Variants in FAAH2 observed in about 807,000 individuals in gnomAD.
FAAH2 encodes the protein fatty acid amide hydrolase 2.
In FAAH2, 60 loss-of-function variants were observed where a neutral mutation model predicts 36.9. That is an observed-to-expected ratio of 1.63 (90% CI 1.32 to 2.02). The LOEUF is 2.02. FAAH2 is among the 30% of genes most tolerant of loss of function. FAAH2 has a pLI of 0.00. For synonymous variants in FAAH2, 214 were observed against 143.8 expected (o/e 1.49, Z -3.49); for missense variants, 689 against 397.5 (o/e 1.73, Z -6.23).
chrX:57,428,645 A>G (rs757782324), intron 7 of FAAH2, among the ~76,000 whole-genome samples: 169 of 112,128 alleles, frequency 1.5e-3, no homozygotes, highest in African/African-American at 5.3e-3. Context: ...TGTGAAAACA[A>G]CATCCTATTC....
intron 2 of FAAH2, among the ~76,000 whole-genome samples, chrX:57,304,941 G>T (rs2052478967): frequency 9.0e-6 from 1 of 111,573 alleles, no homozygotes; most frequent in Non-Finnish European, 1.9e-5. Context: ...AATGATAATT[G>T]TCCTGTTCTT....
chrX:57,389,414 A>C (rs2055110478), intron 7 of FAAH2, among the ~76,000 whole-genome samples: 1 of 106,729 alleles, frequency 9.4e-6, no homozygotes, highest in Non-Finnish European at 1.9e-5. Context: ...CTACGATTCT[A>C]CTCTCTACTT....
At chrX:57,446,836 T>C in intron 8 of FAAH2, 92 bp from the exon 9 acceptor site, 1 of 522,286 alleles carries the variant, frequency 1.9e-6, no homozygotes, top group South Asian at 3.7e-5. Context: ...CTGTTATGAA[T>C]GATTATTCAT....
At chrX:57,355,547 C>T in intron 5 of FAAH2, among the ~76,000 whole-genome samples, 1 of 111,015 alleles carries the variant, frequency 9.0e-6, no homozygotes, top group Non-Finnish European at 1.9e-5. Flanking sequence ...TACTCCTTTT[C>T]ATGCCATTGT....
At chrX:57,193,246 G>A in the FAAH2 span, among the ~76,000 whole-genome samples, 1 of 111,551 alleles carries the variant, frequency 9.0e-6, no homozygotes, top group Non-Finnish European at 1.9e-5. Context: ...CGAAACTGTA[G>A]GGATGAAATA....
intron 7 of FAAH2, chrX:57,395,489 C>A: frequency 2.4e-6 from 1 of 420,309 alleles, no homozygotes; most frequent in Non-Finnish European, 4.2e-6. Context: ...TAACCTTATC[C>A]TCATTCAGTA....
intron 5 of FAAH2, among the ~76,000 whole-genome samples, chrX:57,346,974 T>C (rs2053839876): frequency 9.0e-6 from 1 of 111,148 alleles, no homozygotes; most frequent in Non-Finnish European, 1.9e-5. Context: ...CATGACCTTT[T>C]CCCTTACTTG....
At chrX:57,365,442 G>T (rs905475135) in intron 5 of FAAH2, among the ~76,000 whole-genome samples, 3 of 111,516 alleles carry the variant, frequency 2.7e-5, no homozygotes, top group African/African-American at 9.8e-5. Flanking sequence ...GCCTGATGGG[G>T]TTCCATTTGT....
the FAAH2 span, among the ~76,000 whole-genome samples, chrX:57,203,779 G>A: frequency 1.8e-5 from 2 of 112,179 alleles, no homozygotes; most frequent in African/African-American, 6.5e-5. Flanking sequence ...TGCCTGGGAT[G>A]TTTAAATATT....
the FAAH2 span, among the ~76,000 whole-genome samples, chrX:57,250,496 A>G: frequency 9.0e-6 from 1 of 111,416 alleles, no homozygotes; most frequent in Non-Finnish European, 1.9e-5. Flanking sequence ...TTGCTATGAC[A>G]GTAGATTGAA....
chrX:57,357,013 C>G (rs2054173894), intron 5 of FAAH2, among the ~76,000 whole-genome samples: 1 of 111,091 alleles, frequency 9.0e-6, no homozygotes, highest in Non-Finnish European at 1.9e-5. Context: ...TTGTTCAACT[C>G]CCACTTATGA....
chrX:57,197,977 G>C, the FAAH2 span, among the ~76,000 whole-genome samples: 1 of 112,036 alleles, frequency 8.9e-6, no homozygotes, highest in Non-Finnish European at 1.9e-5. Flanking sequence ...TCTTCTATTA[G>C]TTGGTGTAAT....
In FAAH2 at chrX:57,393,277, G is replaced by A. The variant is rs1172772690; in HGVS notation, c.996+12248G>A. The A allele has an allele frequency of 8.0e-6, 9 of 1,126,462 alleles. No individual in the cohort carries two copies. The Admixed American group carries it at 1.8e-4, about 22-fold the overall frequency. 92.8% of individuals were successfully genotyped at this position (1,126,462 alleles called of 1,213,427 possible). On this transcript the variant is annotated intron_variant, in intron 7 of 10. Transcript: ENST00000374900. ...CAACCAGCTCCAGGTTCTCCTCTAT[G>A]TAAGCCTTGGGAAGAGGCATTCCAG...
At chrX:57,217,297 C>T in the FAAH2 span, among the ~76,000 whole-genome samples, 1 of 108,420 alleles carries the variant, frequency 9.2e-6, no homozygotes, top group East Asian at 2.9e-4. Context: ...TAGGTCCCAG[C>T]TATTTATCTT....
In FAAH2 at chrX:57,406,735, G is replaced by A. The variant is rs192046544; in HGVS notation, c.997-25183G>A. On this transcript the variant is annotated intron_variant, in intron 7 of 10. Transcript: ENST00000374900. ...TGCAGCCCAAAACATACAGTTCTGTGGCTGGTCTGCACTCTGTGGCAGGGA... is the reference window on the plus strand; with the variant it reads ...TGCAGCCCAAAACATACAGTTCTGTAGCTGGTCTGCACTCTGTGGCAGGGA... Among the ~76,000 whole-genome samples the A allele has an allele frequency of 3.9e-3, 438 of 112,693 alleles. 2 individuals are homozygous for A. The highest frequency in any genetic ancestry group is 0.014 in the African/African-American group (424 of 31,069).
the FAAH2 span, among the ~76,000 whole-genome samples, chrX:57,132,842 G>T: frequency 8.9e-6 from 1 of 112,273 alleles, no homozygotes; most frequent in African/African-American, 3.2e-5. Flanking sequence ...GCTATAAGCT[G>T]CCTCTCCCTC....
At chrX:57,279,273 T>C in the FAAH2 span, among the ~76,000 whole-genome samples, 1 of 112,174 alleles carries the variant, frequency 8.9e-6, no homozygotes, top group Non-Finnish European at 1.9e-5. Context: ...TATGCAGCCA[T>C]AAAAAAGGAT....
chrX:57,393,506 G>A (rs2055217281), intron 7 of FAAH2: 2 of 971,253 alleles, frequency 2.1e-6, no homozygotes, highest in South Asian at 3.8e-5. Context: ...AATGATAGAG[G>A]AATTGCCGTG....
rs181362362 is a variant in FAAH2, at chrX:57,333,236, C to T, written c.622+1429C>T. 8.1e-5 allele frequency among the ~76,000 whole-genome samples: 9 copies of T among 111,689 alleles called. No individual in the cohort carries two copies. In the East Asian group the frequency reaches 2.5e-3, roughly 32 times the overall value. On this transcript the variant is annotated intron_variant, in intron 4 of 10. Coordinates refer to ENST00000374900, the MANE Select transcript of FAAH2 (RefSeq NM_174912.4). ...ACAATGGCACTAGTTGAAAATTTTA[C>T]ACCTGACACCTATGGCTACAGCAGA... is the stretch of plus-strand genomic sequence containing the variant.
Sources: gnomAD v4.1 joint callset for allele counts (sites outside exome capture counted in the v4.1 genomes callset) on GRCh38, gnomAD v4.1.1 for gene constraint, MANE v1.5 for transcripts, NCBI Gene and HGNC (gene_info 2026-07-23, HGNC 2026-07-21) for gene names.